The following SCTR variants were observed in gnomAD, a reference collection of about 807,000 sequenced individuals.
The protein encoded by SCTR is pancreatic secretin receptor.
Under a neutral mutation model 60.8 loss-of-function variants are expected in SCTR, and 56 were observed. The observed-to-expected ratio is 0.92, with a 90% CI of 0.74 to 1.15. The LOEUF (loss-of-function observed/expected upper bound fraction) is 1.15, where lower values mean the gene tolerates loss of function less well. Ranked by LOEUF, SCTR falls within the 50% of genes most tolerant of loss-of-function variation. SCTR has a pLI of 0.00. For missense variants in SCTR, 562 were observed against 550.4 expected (o/e 1.02, Z -0.21); for synonymous variants, 202 against 217.0 (o/e 0.93, Z 0.61).
intron 3 of SCTR, among the ~76,000 whole-genome samples, chr2:119,475,290 G>A (rs879448013): frequency 6.6e-6 from 1 of 152,208 alleles, no homozygotes; most frequent in Non-Finnish European, 1.5e-5. Context: ...TTCCCCCAAG[G>A]CCAGAATCGA....
intron 9 of SCTR, among the ~76,000 whole-genome samples, chr2:119,449,012 G>A (rs565606885): frequency 3.9e-5 from 6 of 152,316 alleles, no homozygotes; most frequent in Non-Finnish European, 7.3e-5. Flanking sequence ...GGCTGCAGAA[G>A]CTCTAAGGTC....
At position 119,468,201 on chromosome 2, in the gene SCTR, G is replaced by T. The variant is rs561807535; in HGVS notation, c.406-2315C>A. Among the ~76,000 whole-genome samples, 40 of 152,272 alleles carry T rather than the reference G, an allele frequency of 2.6e-4. No homozygotes were observed. The South Asian group carries it at 7.5e-3, about 28-fold the overall frequency. Reference sequence around the variant, plus strand: ...CTATACTTCTAATTTTTCCACAGTGGATAAGGGCTATTTATAACCAAAAGA... The same window carrying T: ...CTATACTTCTAATTTTTCCACAGTGTATAAGGGCTATTTATAACCAAAAGA... On this transcript the variant is annotated intron_variant, in intron 4 of 12. Coordinates refer to ENST00000019103, the MANE Select transcript of SCTR (RefSeq NM_002980.3).
At chr2:119,446,169 C>T (rs542262447) in intron 11 of SCTR, among the ~76,000 whole-genome samples, 2 of 152,276 alleles carry the variant, frequency 1.3e-5, no homozygotes, top group South Asian at 2.1e-4. Context: ...TTTGCATATG[C>T]ACATGGTTTC....
intron 1 of SCTR, among the ~76,000 whole-genome samples, chr2:119,517,661 C>T: frequency 6.6e-6 from 1 of 152,136 alleles, no homozygotes; most frequent in East Asian, 1.9e-4. Context: ...GGGCTATTTA[C>T]TGCCTGGGCT....
At chr2:119,454,249 G>A (rs1683286521) in intron 7 of SCTR, among the ~76,000 whole-genome samples, 1 of 152,176 alleles carries the variant, frequency 6.6e-6, no homozygotes, top group Non-Finnish European at 1.5e-5. Context: ...GCAGAGTGGG[G>A]CTGGGGCAGG....
chr2:119,455,383 A>C (rs1484055005), intron 7 of SCTR, among the ~76,000 whole-genome samples: 1 of 152,286 alleles, frequency 6.6e-6, no homozygotes, highest in Non-Finnish European at 1.5e-5. Context: ...AGGAACAGAC[A>C]GCCAAGGTCA....
chr2:119,461,926 G>T lies in SCTR; in HGVS notation c.711C>A (p.Gly237=). 1.2e-6 allele frequency: 2 copies of T among 1,613,916 alleles called. No individual in the cohort carries two copies. The highest frequency in any genetic ancestry group is 1.7e-6 in the Non-Finnish European group (2 of 1,179,894). The change falls in exon 7 of 13, where the codon GGC becomes GGA. Residue 237 remains glycine (G), a synonymous_variant. Transcript: ENST00000019103. ...MANYSWLLVE[G]LYLHTLLAIS... ...TGGCGAGGAGTGTGTGAAGGTAGAG[G>T]CCTTCCACCAGCAGCCAGGAGTAGT...
chr2:119,468,576 G>A (rs1435340038), intron 4 of SCTR, among the ~76,000 whole-genome samples: 3 of 152,254 alleles, frequency 2.0e-5, no homozygotes, highest in Non-Finnish European at 2.9e-5. Flanking sequence ...GAAACACTCA[G>A]TGTATGGTAA....
At chr2:119,466,045 C>T (rs17016122) in intron 4 of SCTR, among the ~76,000 whole-genome samples, 159 bp from the exon 5 acceptor site, 8,620 of 152,084 alleles carry the variant, frequency 0.057, 802 homozygotes, top group African/African-American at 0.2. Context: ...CCGTAACATC[C>T]TGGCATTGGA....
chr2:119,484,570 C>T (rs1291047574), intron 2 of SCTR: 1 of 152,190 alleles, frequency 6.6e-6, no homozygotes, highest in Non-Finnish European at 1.5e-5. Context: ...AAAATGGGCA[C>T]AGTAATATTT....
Position 119,478,791 on chromosome 2 carries a change from C to T in SCTR, c.301+20G>A. 6.2e-7 allele frequency: 1 copy of T among 1,613,362 alleles called. No homozygotes were observed. Among genetic ancestry groups the T allele is most frequent in the South Asian group, 1.1e-5 (1 of 90,964 alleles). ...ACACCCCTCAGCCTGTCCGCCAGGC[C>T]CCATGGGCCGAGTGGTTACCATTTC... On this transcript the variant is annotated intron_variant, in intron 3 of 12. Coordinates refer to ENST00000019103, the MANE Select transcript of SCTR (RefSeq NM_002980.3).
rs1053116876 is a variant in SCTR, at chr2:119,456,434, T to C, written c.791-3087A>G. 2.0e-5 allele frequency among the ~76,000 whole-genome samples: 3 copies of C among 152,154 alleles called. No individual in the cohort carries two copies. The East Asian group carries it at 5.8e-4, about 29-fold the overall frequency. ...AACGAAGATATCTTCAGACATGGGA[T>C]TAAAAAAATGTTCCTTTCAGGTGCT... On this transcript the variant is annotated intron_variant, in intron 7 of 12. Transcript: ENST00000019103.
chr2:119,474,334 G>C (rs569294929), intron 3 of SCTR, among the ~76,000 whole-genome samples: 1 of 152,202 alleles, frequency 6.6e-6, no homozygotes, highest in African/African-American at 2.4e-5. Flanking sequence ...TAGGGAAGAG[G>C]AGAGCACTTC....
At chr2:119,479,262 G>T (rs1677487923) in intron 2 of SCTR, 1 of 1,038,082 alleles carries the variant, frequency 9.6e-7, no homozygotes, top group Non-Finnish European at 1.2e-6. Flanking sequence ...CAATCAGTTT[G>T]CATTAAACAA....
At chr2:119,500,191 T>TAAAATTTTAGTCCTTA (rs1678493543) in intron 1 of SCTR, among the ~76,000 whole-genome samples, 1 of 151,220 alleles carries the variant, frequency 6.6e-6, no homozygotes, top group African/African-American at 2.4e-5. Context: ...AGTGTAGTCC[T>TAAAATTTTAGTCCTTA]AAAAGTTTAG....
chr2:119,445,667 T>TA lies in SCTR; in HGVS notation c.1140+1091dup, dbSNP rs1371186605. 2.3e-4 allele frequency among the ~76,000 whole-genome samples: 35 copies of TA among 152,206 alleles called. No individual in the cohort carries two copies. In the East Asian group the frequency reaches 6.6e-3, roughly 29 times the overall value. On this transcript the variant is annotated intron_variant, in intron 11 of 12. Transcript: ENST00000019103. ...AAATGTCGTTAAGGACTAAGTCCTT[T>TA]AAAAAAAACTACTGGGAGAATTTTG...
chr2:119,524,013 G>T, intron 1 of SCTR, 142 bp downstream of exon 1: 1 of 662,328 alleles, frequency 1.5e-6, no homozygotes, highest in Non-Finnish European at 2.7e-6. Flanking sequence ...GATTAATGTT[G>T]GGAGGATTGG....
intron 7 of SCTR, among the ~76,000 whole-genome samples, chr2:119,456,813 G>C (rs1451541103): frequency 6.6e-6 from 1 of 152,136 alleles, no homozygotes; most frequent in African/African-American, 2.4e-5. Flanking sequence ...CTTATAAGAA[G>C]GCCATGAGAG....
Position 119,444,298 on chromosome 2 carries a change from T to C in SCTR, c.1140+2461A>G, listed in dbSNP as rs181710551. On this transcript the variant is annotated intron_variant, in intron 11 of 12. Transcript: ENST00000019103. The stretch of plus-strand genomic sequence containing the variant: ...ATACATATGAATATATACACATATA[T>C]ACGTATGAATATATACACATATATA... 2.1e-4 allele frequency among the ~76,000 whole-genome samples: 30 copies of C among 145,658 alleles called. No individual in the cohort carries two copies. In the East Asian group the frequency reaches 2.8e-3, roughly 13 times the overall value.
Sources: allele counts gnomAD v4.1 joint callset (sites outside exome capture counted in the v4.1 genomes callset), GRCh38; gene constraint gnomAD v4.1.1; transcripts MANE v1.5; gene names NCBI Gene and HGNC (gene_info 2026-07-23, HGNC 2026-07-21).